The following IFT140 variants were observed in gnomAD, a reference collection of about 807,000 sequenced individuals.
The protein encoded by IFT140 is intraflagellar transport 140.
Under a neutral mutation model 164.6 loss-of-function variants are expected in IFT140, and 133 were observed. That is an observed-to-expected ratio of 0.81 (90% CI 0.70 to 0.93). IFT140 has a LOEUF of 0.93. Among genes scored for constraint, IFT140 ranks in the 40% least tolerant of loss-of-function variants. IFT140 has a pLI of 0.00. For missense variants in IFT140, 2,045 were observed against 1,972.3 expected, an observed-to-expected ratio of 1.04 and a Z score of -0.70; for synonymous variants, 860 against 817.3, an observed-to-expected ratio of 1.05 and a Z score of -0.89.
intron 13 of IFT140, 105 bp from the exon 14 acceptor site, chr16:1,571,639 C>T (rs559497459): frequency 8.3e-5 from 103 of 1,237,758 alleles, no homozygotes; most frequent in Non-Finnish European, 1.1e-4. Flanking sequence ...ATGTGAGTTA[C>T]TGAACATTGT....
At position 1,524,657 on chromosome 16, in the gene IFT140, G is replaced by C. The variant is rs2040621844; in HGVS notation, c.3036C>G (p.Ala1012=). Residue 1012 remains alanine (A), a synonymous_variant, in exon 24 of 31, where the codon GCC becomes GCG. Transcript: ENST00000426508. ...CGTACTGGCGGGCGAGGTGGTAGGA[G>C]GCCGCCAGGTTTCCTGTCTCGTTGG... is the stretch of plus-strand genomic sequence containing the variant. ...QIANETGNLA[A]SYHLARQYES... The C allele has an allele frequency of 6.3e-7, 1 of 1,581,442 alleles. No homozygotes were observed. The highest frequency in any genetic ancestry group is 1.3e-5 in the African/African-American group (1 of 74,144).
intron 4 of IFT140, among the ~76,000 whole-genome samples, chr16:1,595,242 G>C (rs35619053): frequency 0.022 from 3,417 of 151,982 alleles, 124 homozygotes; most frequent in African/African-American, 0.077. Context: ...CCGAGATGGC[G>C]CCACTGCACT....
chr16:1,511,827 CAG>C (rs61691295), intron 30 of IFT140, among the ~76,000 whole-genome samples: 4,123 of 150,936 alleles, frequency 0.027, 141 homozygotes, highest in African/African-American at 0.073. Flanking sequence ...GCTGGGGACA[CAG>C]GGGACACAGG....
At chr16:1,595,101 C>A (rs1008784882) in intron 4 of IFT140, among the ~76,000 whole-genome samples, 3 of 150,800 alleles carry the variant, frequency 2.0e-5, no homozygotes, top group Non-Finnish European at 4.4e-5. Context: ...CTGGCTAACA[C>A]GGTGAAACCC....
intron 1 of IFT140, among the ~76,000 whole-genome samples, 196 bp from the exon 2 acceptor site, chr16:1,611,049 C>A (rs1019593470): frequency 1.3e-5 from 2 of 152,244 alleles, no homozygotes; most frequent in Non-Finnish European, 2.9e-5. Flanking sequence ...CCCAGGCCTT[C>A]CCTGGGCTCC....
chr16:1,536,596 G>A (rs967602046), intron 19 of IFT140, among the ~76,000 whole-genome samples: 19 of 152,174 alleles, frequency 1.2e-4, no homozygotes, highest in African/African-American at 4.3e-4. Flanking sequence ...CAGGCTCAAC[G>A]GGTAACTTTT....
Position 1,518,400 on chromosome 16 carries a change from C to G in IFT140, c.4041-43G>C, listed in dbSNP as rs967058312. The G allele has an allele frequency of 3.2e-6, 5 of 1,586,716 alleles. No homozygotes were observed. In the South Asian group the frequency reaches 4.5e-5, roughly 14 times the overall value. On this transcript the variant is annotated intron_variant, in intron 29 of 30. Coordinates refer to ENST00000426508, the MANE Select transcript of IFT140 (RefSeq NM_014714.4). The stretch of plus-strand genomic sequence containing the variant: ...GAGGCCTGGGCCCCGAAGCCCTGAA[C>G]ACCTACTGCTATCAGAGGTCAGAGG...
intron 19 of IFT140, among the ~76,000 whole-genome samples, chr16:1,527,722 C>A (rs2040752775): frequency 6.6e-6 from 1 of 152,182 alleles, no homozygotes; most frequent in Admixed American, 6.5e-5. Flanking sequence ...CAGGTGTGTG[C>A]TACCACACCC....
Position 1,536,146 on chromosome 16 carries a change from GCCT to G in IFT140, c.2400-9353_2400-9351del, listed in dbSNP as rs2031050244. Among the ~76,000 whole-genome samples, 4 of 152,216 alleles carry G rather than the reference GCCT, an allele frequency of 2.6e-5. No individual in the cohort carries two copies. The South Asian group carries it at 8.3e-4, about 32-fold the overall frequency. Reference sequence around the variant, plus strand: ...CTTGGCCGCAGCTCTGCACCTCCAGGCCTCCTAACTGCTGCCACCAACACCCAC... The same window carrying G: ...CTTGGCCGCAGCTCTGCACCTCCAGGCCTAACTGCTGCCACCAACACCCAC... On this transcript the variant is annotated intron_variant, in intron 19 of 30. Transcript: ENST00000426508.
chr16:1,534,416 G>T (rs1368748141), intron 19 of IFT140: 1 of 1,612,592 alleles, frequency 6.2e-7, no homozygotes, highest in Non-Finnish European at 8.5e-7. Flanking sequence ...GGCTGTGGAG[G>T]TCCTGCTGGC....
chr16:1,580,721 C>T, intron 13 of IFT140, 38 bp downstream of exon 13: 1 of 1,396,542 alleles, frequency 7.2e-7, no homozygotes, highest in Non-Finnish European at 1.0e-6. Flanking sequence ...GGATTTCAAA[C>T]TCTGCTCTGG....
At chr16:1,565,615 C>T (rs1327835214) in intron 16 of IFT140, among the ~76,000 whole-genome samples, 1 of 152,246 alleles carries the variant, frequency 6.6e-6, no homozygotes, top group Non-Finnish European at 1.5e-5. Flanking sequence ...TCCTGCCCTG[C>T]AGGCCTGGCT....
At chr16:1,521,037 A>G (rs1473202596) in intron 26 of IFT140, among the ~76,000 whole-genome samples, 1 of 152,242 alleles carries the variant, frequency 6.6e-6, no homozygotes, top group Non-Finnish European at 1.5e-5. Context: ...CGAAGGAAAC[A>G]ATAGTCTCAA....
chr16:1,568,925 C>T (rs1041036054), intron 14 of IFT140, among the ~76,000 whole-genome samples: 5 of 152,174 alleles, frequency 3.3e-5, no homozygotes, highest in Non-Finnish European at 7.3e-5. Context: ...AGCTATTTAA[C>T]TCGTCCCCTG....
chr16:1,534,177 G>C (rs1663151295), intron 19 of IFT140: 12 of 1,493,790 alleles, frequency 8.0e-6, no homozygotes, highest in Non-Finnish European at 1.1e-5. Flanking sequence ...GAGTGGTGAT[G>C]TCCTCTAGCC....
intron 19 of IFT140, chr16:1,532,592 T>G (rs2030622599): frequency 6.6e-6 from 1 of 152,280 alleles, no homozygotes; most frequent in Non-Finnish European, 1.5e-5. Flanking sequence ...GTCAAAGCTC[T>G]GCTGTTACCA....
intron 30 of IFT140, among the ~76,000 whole-genome samples, chr16:1,515,516 C>T (rs569136452): frequency 6.6e-6 from 1 of 152,256 alleles, no homozygotes; most frequent in East Asian, 1.9e-4. Flanking sequence ...AAGCAGTCCT[C>T]CCACCTCAGC....
intron 19 of IFT140, among the ~76,000 whole-genome samples, chr16:1,556,561 G>A (rs1184739860): frequency 2.6e-5 from 4 of 152,224 alleles, no homozygotes; most frequent in African/African-American, 9.6e-5. Context: ...GGATCAGTTT[G>A]GATTGTGAGG....
intron 15 of IFT140, among the ~76,000 whole-genome samples, chr16:1,567,709 C>A (rs1441872080): frequency 6.6e-6 from 1 of 152,156 alleles, no homozygotes; most frequent in African/African-American, 2.4e-5. Flanking sequence ...AGGGAAGGAA[C>A]CAGGGAAGGA....
Sources: allele counts gnomAD v4.1 joint callset (sites outside exome capture counted in the v4.1 genomes callset), GRCh38; gene constraint gnomAD v4.1.1; transcripts MANE v1.5; gene names NCBI Gene and HGNC (gene_info 2026-07-23, HGNC 2026-07-21).